Variants in POLR1G observed in about 807,000 individuals in gnomAD.
The protein encoded by POLR1G is RNA polymerase I subunit G.
Under a neutral mutation model 6.3 loss-of-function variants are expected in POLR1G, and 9 were observed. The observed-to-expected ratio is 1.44, with a 90% confidence interval of 0.87 to 2.51. POLR1G has a LOEUF of 2.51. Among genes scored for constraint, POLR1G ranks in the 30% most tolerant of loss-of-function variants. The pLI is 0.00. For missense variants in POLR1G, 617 were observed against 632.5 expected, an observed-to-expected ratio of 0.98 and a Z score of 0.26; for synonymous variants, 248 against 256.5, an observed-to-expected ratio of 0.97 and a Z score of 0.32.
chr19:45,406,962 G>T lies in POLR1G; in HGVS notation c.23-132G>T. The T allele has an allele frequency of 7.8e-7, 1 of 1,283,162 alleles. No homozygotes were observed. The highest frequency in any genetic ancestry group is 1.1e-6 in the Non-Finnish European group (1 of 936,478). 79.5% of individuals were successfully genotyped at this position (1,283,162 alleles called of 1,614,324 possible). ...TGAGGTCGCCCCTGGGGAACAGGTG[G>T]GCAGAAAGGAGAAACCAGGTTGAGG... On this transcript the variant is annotated intron_variant, in intron 1 of 2. Transcript: ENST00000309424. This position sits in a 1 kb window ranked among gnomAD's most constrained non-coding sequence, Gnocchi z 4.2.
Position 45,410,566 on chromosome 19 carries a change from T to TGTGTGTGTGTGTGC in POLR1G, c.*1078_*1079insCGTGTGTGTGTGTG, listed in dbSNP as rs1055558097. 1.6e-4 allele frequency: 6 copies of TGTGTGTGTGTGTGC among 36,550 alleles called. No homozygotes were observed. Among genetic ancestry groups the TGTGTGTGTGTGTGC allele is most frequent in the Non-Finnish European group, 2.2e-4 (5 of 22,266 alleles). 2.3% of individuals were successfully genotyped at this position (36,550 alleles called of 1,614,324 possible). ...TAGTATGTCTTATTCATTCTTTCTT[T>TGTGTGTGTGTGTGC]GTGTGTGTGTGTGTGTGTGTGTGTG... On this transcript the variant is annotated 3_prime_UTR_variant, in exon 3 of 3. Coordinates refer to ENST00000309424, the MANE Select transcript of POLR1G (RefSeq NM_012099.3).
At position 45,406,910 on chromosome 19, in the gene POLR1G, C is replaced by A; in HGVS notation, c.23-184C>A. ...GGGGGGCTACCCGTGGAGAGCAAGGCGCCCCCAGGGGTTGGATCGGTGAAA... is the reference window on the plus strand; with the variant it reads ...GGGGGGCTACCCGTGGAGAGCAAGGAGCCCCCAGGGGTTGGATCGGTGAAA... On this transcript the variant is annotated intron_variant, in intron 1 of 2. Coordinates refer to ENST00000309424, the MANE Select transcript of POLR1G (RefSeq NM_012099.3). The surrounding 1 kb of genome is among the most constrained non-coding windows in gnomAD (Gnocchi z 4.2). 1 of 971,850 alleles carries A rather than the reference C, an allele frequency of 1.0e-6. No homozygotes were observed. The highest frequency in any genetic ancestry group is 1.8e-5 in the South Asian group (1 of 56,230). 60.2% of individuals were successfully genotyped at this position (971,850 alleles called of 1,614,324 possible).
At position 45,407,118 on chromosome 19, in the gene POLR1G, C is replaced by CG. The variant is rs747492022; in HGVS notation, c.47_48insG (p.Asn17GlnfsTer103). Reference sequence around the variant, plus strand: ...GATGCTGCTCGGTTCTCTTGTCCCCCCAACTTTACCGCGAAGCCCCCAGCC... The same window carrying CG: ...GATGCTGCTCGGTTCTCTTGTCCCCCGCAACTTTACCGCGAAGCCCCCAGCC... On this transcript the variant is annotated frameshift_variant, in exon 2 of 3. Coordinates refer to ENST00000309424, the MANE Select transcript of POLR1G (RefSeq NM_012099.3). LOFTEE classifies it high-confidence loss of function. 2.4e-5 allele frequency: 38 copies of CG among 1,603,446 alleles called. No individual in the cohort carries two copies. The highest frequency in any genetic ancestry group is 3.1e-5 in the Non-Finnish European group (37 of 1,177,422).
rs888781868 is a variant in POLR1G, at chr19:45,406,696, G to C, written c.-1G>C. Reference sequence around the variant, plus strand: ...GGGTTGCCTGAGGTGTGGGTCCCAGGATGGAGGAGCCCCAGGCCGGCGGTG... The same window carrying C: ...GGGTTGCCTGAGGTGTGGGTCCCAGCATGGAGGAGCCCCAGGCCGGCGGTG... On this transcript the variant is annotated 5_prime_UTR_variant, in exon 1 of 3. Coordinates refer to ENST00000309424, the MANE Select transcript of POLR1G (RefSeq NM_012099.3). The surrounding 1 kb of genome is among the most constrained non-coding windows in gnomAD (Gnocchi z 4.2). The C allele has an allele frequency of 3.2e-6, 5 of 1,540,948 alleles. No homozygotes were observed. The highest frequency in any genetic ancestry group is 2.5e-5 in the East Asian group (1 of 39,576).
Position 45,406,657 on chromosome 19 carries a change from C to A in POLR1G, c.-40C>A. 3.9e-6 allele frequency: 6 copies of A among 1,546,372 alleles called. No homozygotes were observed. The highest frequency in any genetic ancestry group is 5.2e-6 in the Non-Finnish European group (6 of 1,145,118). ...CACGTGGTCTGCAACCTGGTGCGAG[C>A]AGCCCGGGCTACAGGGTTGCCTGAG... On this transcript the variant is annotated 5_prime_UTR_variant, in exon 1 of 3. Transcript: ENST00000309424. The surrounding 1 kb of genome is among the most constrained non-coding windows in gnomAD (Gnocchi z 4.2).
rs752931566 is a variant in POLR1G, at chr19:45,408,948, CGAA to C, written c.986_988del (p.Lys329del). On this transcript the variant is annotated inframe_deletion, in exon 3 of 3. Transcript: ENST00000309424. The stretch of plus-strand genomic sequence containing the variant: ...GAGGAAGCCATCCCTCTGCCCCCTA[CGAA>C]GAAGAGGAAAAAAGAAAAGGGACAG... 3.7e-6 allele frequency: 6 copies of C among 1,613,672 alleles called. No homozygotes were observed. Among genetic ancestry groups the C allele is most frequent in the Admixed American group, 3.3e-5 (2 of 59,950 alleles).
chr19:45,408,551 GGGGCCCT>G lies in POLR1G; in HGVS notation c.586_592del (p.Ala196ArgfsTer24). ...CACTCAGGAGGCAGTGAATGGGCAC[GGGGCCCT>G]GGAGGTGGACATGGCTTTGGGGTCG... On this transcript the variant is annotated frameshift_variant, in exon 3 of 3. Coordinates refer to ENST00000309424, the MANE Select transcript of POLR1G (RefSeq NM_012099.3). LOFTEE classifies it low-confidence loss of function (END_TRUNC). 6.2e-7 allele frequency: 1 copy of G among 1,613,990 alleles called. No individual in the cohort carries two copies. The highest frequency in any genetic ancestry group is 8.5e-7 in the Non-Finnish European group (1 of 1,180,016).
chr19:45,408,071 A>AC, intron 2 of POLR1G, 62 bp from the exon 3 acceptor site: 17 of 1,488,698 alleles, frequency 1.1e-5, no homozygotes, highest in Non-Finnish European at 1.2e-5. Flanking sequence ...CAAAAAAAAA[A>AC]TCAAAAAACC....
At position 45,408,856 on chromosome 19, in the gene POLR1G, G is replaced by A. The variant is rs199589536; in HGVS notation, c.888G>A (p.Thr296=). The A allele has an allele frequency of 1.3e-5, 21 of 1,614,168 alleles. No individual in the cohort carries two copies. Among genetic ancestry groups the A allele is most frequent in the Middle Eastern group, 1.6e-4 (1 of 6,062 alleles). The change falls in exon 3 of 3, where the codon ACG becomes ACA. Residue 296 remains threonine (T), a synonymous_variant. Transcript: ENST00000309424. ...PTKKRKRQKG[T]EGMEPEEGVT... ...AAAAGAGAAAGAGGCAAAAGGGGAC[G>A]GAAGGGATGGAGCCAGAGGAGGGGG...
Position 45,406,720 on chromosome 19 carries a change from T to C in POLR1G, c.22+2T>C. 6.5e-7 allele frequency: 1 copy of C among 1,528,338 alleles called. No individual in the cohort carries two copies. Among genetic ancestry groups the C allele is most frequent in the Non-Finnish European group, 8.8e-7 (1 of 1,139,880 alleles). The allele number at this position is 1,528,338 out of a possible 1,614,324, so 94.7% of individuals were successfully genotyped here. ...GGATGGAGGAGCCCCAGGCCGGCGG[T>C]GAGGGTGCGGGTTGACGGGGTGCGG... On this transcript the variant is annotated splice_donor_variant, in intron 1 of 2. Coordinates refer to ENST00000309424, the MANE Select transcript of POLR1G (RefSeq NM_012099.3). LOFTEE classifies it high-confidence loss of function. The surrounding 1 kb of genome is among the most constrained non-coding windows in gnomAD (Gnocchi z 4.2).
chr19:45,407,946 T>A (rs1229910511), intron 2 of POLR1G, 187 bp from the exon 3 acceptor site: 1 of 680,832 alleles, frequency 1.5e-6, no homozygotes, highest in Non-Finnish European at 2.2e-6. Flanking sequence ...CCCAGCTACT[T>A]GAGAGGCTGA....
At position 45,409,978 on chromosome 19, in the gene POLR1G, G is replaced by A. The variant is rs1445904603; in HGVS notation, c.*477G>A. The A allele has an allele frequency of 2.6e-4, 45 of 173,388 alleles. No homozygotes were observed. The highest frequency in any genetic ancestry group is 1.0e-3 in the African/African-American group (41 of 40,994). 10.7% of individuals were successfully genotyped at this position (173,388 alleles called of 1,614,324 possible). A position where few individuals can be genotyped will look rare whatever the true frequency, so the allele number is the denominator to read the frequency against. On this transcript the variant is annotated 3_prime_UTR_variant, in exon 3 of 3. Transcript: ENST00000309424. ...GCAATCTCGGCTCACTGCAAGCTCC[G>A]CCTCCCGGGTTCACGCCATTCTCCT...
intron 2 of POLR1G, 29 bp downstream of exon 2, chr19:45,407,264 G>A: frequency 2.5e-6 from 4 of 1,603,118 alleles, no homozygotes; most frequent in Non-Finnish European, 2.6e-6. Flanking sequence ...GGAAAAGAGG[G>A]TCCCGGTCCA....
At position 45,406,745 on chromosome 19, in the gene POLR1G, G is replaced by GGGGTGCGT; in HGVS notation, c.22+27_22+28insGGGTGCGT. ...TGAGGGTGCGGGTTGACGGGGTGCG[G>GGGGTGCGT]AGGGTGCGTTGGTGGAAGGAGAAAG... is the stretch of plus-strand genomic sequence containing the variant. On this transcript the variant is annotated intron_variant, in intron 1 of 2. Transcript: ENST00000309424. The surrounding 1 kb of genome is among the most constrained non-coding windows in gnomAD (Gnocchi z 4.2). 6.6e-7 allele frequency: 1 copy of GGGGTGCGT among 1,518,474 alleles called. No homozygotes were observed. Among genetic ancestry groups the GGGGTGCGT allele is most frequent in the South Asian group, 1.3e-5 (1 of 79,602 alleles). The allele number at this position is 1,518,474 out of a possible 1,614,324, so 94.1% of individuals were successfully genotyped here. A position where few individuals can be genotyped will look rare whatever the true frequency, so the allele number is the denominator to read the frequency against.
rs1973533884 is a variant in POLR1G at position 45,409,205 on chromosome 19, G to C, written c.1237G>C (p.Glu413Gln). The C allele has an allele frequency of 6.2e-7, 1 of 1,613,360 alleles. No individual in the cohort carries two copies. The highest frequency in any genetic ancestry group is 8.5e-7 in the Non-Finnish European group (1 of 1,179,646). Reference sequence around the variant, plus strand: ...GGGGCCTGAGCTGCCGGATGACCTTGAGCCTCAGGCAGCTCCCACATCCAC... The same window carrying C: ...GGGGCCTGAGCTGCCGGATGACCTTCAGCCTCAGGCAGCTCCCACATCCAC... The part of the protein sequence containing the change: ...VVGPELPDDL[E>Q]PQAAPTSTKK... Residue 413 changes from glutamate to glutamine, a missense_variant, in exon 3 of 3, where the codon GAG becomes CAG. Physicochemically the swap from Glu to Gln is conservative, Grantham distance 29 (BLOSUM62 2). Coordinates refer to ENST00000309424, the MANE Select transcript of POLR1G (RefSeq NM_012099.3).
At position 45,408,574 on chromosome 19, in the gene POLR1G, T is replaced by G; in HGVS notation, c.606T>G (p.Ala202=). ...ACGGGGCCCTGGAGGTGGACATGGC[T>G]TTGGGGTCGCCAGAAATGGATGTGC... is the stretch of plus-strand genomic sequence containing the variant. The part of the protein sequence containing the change: ...NGHGALEVDM[A]LGSPEMDVRK... The change falls in exon 3 of 3, where the codon GCT becomes GCG. Residue 202 remains alanine, a synonymous_variant. Transcript: ENST00000309424. The G allele has an allele frequency of 6.2e-7, 1 of 1,612,928 alleles. No individual in the cohort carries two copies. Among genetic ancestry groups the G allele is most frequent in the Non-Finnish European group, 8.5e-7 (1 of 1,179,740 alleles).
At position 45,406,660 on chromosome 19, in the gene POLR1G, C is replaced by T. The variant is rs1466435106; in HGVS notation, c.-37C>T. 1.3e-6 allele frequency: 2 copies of T among 1,546,598 alleles called. No homozygotes were observed. The highest frequency in any genetic ancestry group is 8.7e-7 in the Non-Finnish European group (1 of 1,145,288). The stretch of plus-strand genomic sequence containing the variant: ...GTGGTCTGCAACCTGGTGCGAGCAG[C>T]CCGGGCTACAGGGTTGCCTGAGGTG... On this transcript the variant is annotated 5_prime_UTR_variant, in exon 1 of 3. Transcript: ENST00000309424. The surrounding 1 kb of genome is among the most constrained non-coding windows in gnomAD (Gnocchi z 4.2).
intron 2 of POLR1G, chr19:45,407,827 GAGC>G (rs1973436192): frequency 3.6e-6 from 1 of 279,530 alleles, no homozygotes; most frequent in Non-Finnish European, 6.7e-6. Context: ...AGGCCGAGGC[GAGC>G]AGATCACTTG....
At chr19:45,407,766 C>T (rs868539528) in intron 2 of POLR1G, 1 of 251,494 alleles carries the variant, frequency 4.0e-6, no homozygotes, top group Non-Finnish European at 7.7e-6. Context: ...TTATTAAAAA[C>T]CAGAGGCCAG....
Sources: allele counts gnomAD v4.1 joint callset, GRCh38; gene constraint gnomAD v4.1.1; non-coding constraint Gnocchi (gnomAD v3.1); transcripts MANE v1.5; gene names NCBI Gene and HGNC (gene_info 2026-07-23, HGNC 2026-07-21).